Variants in DBX2 observed in about 807,000 individuals in gnomAD.
DBX2 encodes the protein homeobox protein DBX2.
A neutral mutation model predicts 17.7 loss-of-function variants in DBX2; 16 were observed. The ratio of observed to expected loss-of-function variants is 0.90; its 90% CI spans 0.61 to 1.37. The LOEUF is 1.37. Ranked by LOEUF, DBX2 falls within the 40% of genes most tolerant of loss-of-function variation. The pLI, the probability that DBX2 is intolerant of heterozygous loss-of-function variation, is 0.00. For synonymous variants in DBX2, 255 were observed against 183.8 expected (o/e 1.39, Z -3.13); for missense variants, 538 against 433.8 (o/e 1.24, Z -2.13).
At chr12:45,037,523 C>T (rs962896833) in intron 1 of DBX2, among the ~76,000 whole-genome samples, 6 of 152,106 alleles carry the variant, frequency 3.9e-5, no homozygotes, top group African/African-American at 1.4e-4. Context: ...ACCTTGAAAT[C>T]TAAAACATGA....
chr12:45,050,868 G>A lies in DBX2; in HGVS notation c.60C>T (p.Ser20=), dbSNP rs1198507362. 1.0e-5 allele frequency: 16 copies of A among 1,534,074 alleles called. No homozygotes were observed. The highest frequency in any genetic ancestry group is 6.1e-6 in the Non-Finnish European group (7 of 1,143,664). ...AGAYWDVVAS[S]ALLNLPAAPG... ...GCGCAGCGGGGAGGTTGAGGAGCGCGGAGGAAGCCACAACGTCCCAGTACG... is the reference window on the plus strand; with the variant it reads ...GCGCAGCGGGGAGGTTGAGGAGCGCAGAGGAAGCCACAACGTCCCAGTACG... Residue 20 remains serine, a synonymous_variant, in exon 1 of 4, where the codon TCC becomes TCT. Transcript: ENST00000332700.
chr12:45,044,385 CCTT>C (rs1946488050), intron 1 of DBX2, among the ~76,000 whole-genome samples: 1 of 151,994 alleles, frequency 6.6e-6, no homozygotes, highest in Non-Finnish European at 1.5e-5. Context: ...CTTATTAACT[CCTT>C]CACATATTTT....
Position 45,048,391 on chromosome 12 carries a change from G to A in DBX2, c.403+2134C>T, listed in dbSNP as rs146609178. The stretch of plus-strand genomic sequence containing the variant: ...GTTGGATAACATTTCAGAAAAATAT[G>A]GTATTATCTTCCCGAAAACAAAGCT... On this transcript the variant is annotated intron_variant, in intron 1 of 3. Coordinates refer to ENST00000332700, the MANE Select transcript of DBX2 (RefSeq NM_001004329.3). Among the ~76,000 whole-genome samples the A allele has an allele frequency of 7.2e-3, 1,093 of 152,144 alleles. 27 individuals carry two copies. Among genetic ancestry groups the A allele is most frequent in the African/African-American group, 0.024 (1,016 of 41,520 alleles).
At chr12:45,035,097 T>C (rs1254964202) in intron 2 of DBX2, among the ~76,000 whole-genome samples, 2 of 152,362 alleles carry the variant, frequency 1.3e-5, no homozygotes, top group East Asian at 3.9e-4. Flanking sequence ...TGTCAGGAAT[T>C]ATTCTGTCGA....
rs113442613 is a variant in DBX2 at position 45,031,191 on chromosome 12, A to AGTGTGTGTGTGTGT, written c.499+4814_499+4827dup. Among the ~76,000 whole-genome samples the AGTGTGTGTGTGTGT allele has an allele frequency of 4.9e-3, 483 of 99,140 alleles. 3 individuals are homozygous for AGTGTGTGTGTGTGT. The highest frequency in any genetic ancestry group is 0.025 in the Admixed American group (227 of 9,004). 65.0% of individuals were successfully genotyped at this position (99,140 alleles called of 152,430 possible). A position where few individuals can be genotyped will look rare whatever the true frequency, so the allele number is the denominator to read the frequency against. ...AGCTTCCTTACCCTTCTTATTTTCA[A>AGTGTGTGTGTGTGT]GTGTGTGTGTGTGTGTGTGTGTGTG... On this transcript the variant is annotated intron_variant, in intron 2 of 3. Transcript: ENST00000332700.
chr12:45,042,946 T>C (rs78118400), intron 1 of DBX2, among the ~76,000 whole-genome samples: 3,129 of 152,132 alleles, frequency 0.021, 110 homozygotes, highest in East Asian at 0.18. Flanking sequence ...CTTCAGGGAG[T>C]CTCAATTAGA....
intron 1 of DBX2, among the ~76,000 whole-genome samples, chr12:45,039,321 A>ATATG (rs1946458727): frequency 1.9e-5 from 2 of 103,682 alleles, no homozygotes; most frequent in African/African-American, 6.9e-5. Context: ...ATATATATAT[A>ATATG]TGTATCACAC....
chr12:45,031,614 A>G (rs1192083635), intron 2 of DBX2, among the ~76,000 whole-genome samples: 1 of 152,134 alleles, frequency 6.6e-6, no homozygotes, highest in Non-Finnish European at 1.5e-5. Context: ...AGTCTTCGCT[A>G]TTTTAAGTTG....
chr12:45,019,430 G>C (rs1289005049), intron 3 of DBX2, among the ~76,000 whole-genome samples: 1 of 152,078 alleles, frequency 6.6e-6, no homozygotes, highest in Non-Finnish European at 1.5e-5. Context: ...TTGCCCATGA[G>C]AGTGGCAACA....
chr12:45,036,423 ACTGTCCAAGAAAACTAT>A (rs1040473741), intron 1 of DBX2, among the ~76,000 whole-genome samples: 2 of 152,070 alleles, frequency 1.3e-5, no homozygotes, highest in Non-Finnish European at 2.9e-5. Flanking sequence ...CTAGAACAAC[ACTGTCCAAGAAAACTAT>A]CTGTGATGAT....
At chr12:45,050,430 TG>T in intron 1 of DBX2, 94 bp downstream of exon 1, 1 of 1,467,876 alleles carries the variant, frequency 6.8e-7, no homozygotes, top group Non-Finnish European at 9.0e-7. Context: ...CGGCTCTCCC[TG>T]GGCGCAGTGC....
chr12:45,031,248 G>GAGAC (rs1946409467), intron 2 of DBX2, among the ~76,000 whole-genome samples: 1 of 149,058 alleles, frequency 6.7e-6, no homozygotes, highest in Non-Finnish European at 1.5e-5. Flanking sequence ...GAGAGAGAGA[G>GAGAC]AGAGAGAGAT....
intron 2 of DBX2, among the ~76,000 whole-genome samples, chr12:45,030,933 T>C (rs1946405965): frequency 6.6e-6 from 1 of 152,192 alleles, no homozygotes; most frequent in Admixed American, 6.5e-5. Flanking sequence ...TAAGAGGTCA[T>C]TTGTTTAATC....
intron 1 of DBX2, among the ~76,000 whole-genome samples, chr12:45,038,121 T>C (rs1232648573): frequency 6.6e-6 from 1 of 152,054 alleles, no homozygotes; most frequent in Non-Finnish European, 1.5e-5. Context: ...TATGCAGATT[T>C]ACATTTTCAT....
At position 45,015,558 on chromosome 12, in the gene DBX2, CA is replaced by C. The variant is rs893759377; in HGVS notation, c.*727del. On this transcript the variant is annotated 3_prime_UTR_variant, in exon 4 of 4. Coordinates refer to ENST00000332700, the MANE Select transcript of DBX2 (RefSeq NM_001004329.3). ...AGGCCCATCTTTACAGAGAAGAGAT[CA>C]AAAAATAATTATTAGTTAAATGGGT... 19 of 152,190 alleles carry C rather than the reference CA, an allele frequency of 1.2e-4. No homozygotes were observed. The highest frequency in any genetic ancestry group is 4.6e-4 in the African/African-American group (19 of 41,536). The allele number at this position is 152,190 out of a possible 1,614,324, so 9.4% of individuals were successfully genotyped here. A position where few individuals can be genotyped will look rare whatever the true frequency, so the allele number is the denominator to read the frequency against.
chr12:45,047,109 A>C (rs1024505505), intron 1 of DBX2, among the ~76,000 whole-genome samples: 2 of 152,194 alleles, frequency 1.3e-5, no homozygotes, highest in Admixed American at 6.5e-5. Flanking sequence ...ATAACCACCA[A>C]TTGGAAAACT....
At chr12:45,035,189 C>T (rs1946433248) in intron 2 of DBX2, among the ~76,000 whole-genome samples, 1 of 152,230 alleles carries the variant, frequency 6.6e-6, no homozygotes, top group Non-Finnish European at 1.5e-5. Flanking sequence ...GGGTTCGGCA[C>T]AAGAGCCTGA....
intron 1 of DBX2, among the ~76,000 whole-genome samples, chr12:45,042,288 C>G (rs1367141854): frequency 2.0e-5 from 3 of 152,188 alleles, no homozygotes; most frequent in Non-Finnish European, 4.4e-5. Flanking sequence ...GTGCAGACTT[C>G]TACTGAAATA....
At chr12:45,030,453 C>T (rs921689972) in intron 2 of DBX2, among the ~76,000 whole-genome samples, 1 of 152,218 alleles carries the variant, frequency 6.6e-6, no homozygotes, top group Non-Finnish European at 1.5e-5. Context: ...TCCTTTGTCC[C>T]ATATCCTTTC....
Sources: gnomAD v4.1 joint callset for allele counts (sites outside exome capture counted in the v4.1 genomes callset) on GRCh38, gnomAD v4.1.1 for gene constraint, MANE v1.5 for transcripts, NCBI Gene and HGNC (gene_info 2026-07-23, HGNC 2026-07-21) for gene names.